Variants in SLFN5 observed in about 807,000 individuals in gnomAD.
SLFN5 encodes schlafen family member 5.
In SLFN5, 34 loss-of-function variants were observed where a neutral mutation model predicts 48.5. That is an observed-to-expected ratio of 0.70 (90% confidence interval 0.53 to 0.93). The LOEUF (loss-of-function observed/expected upper bound fraction) is 0.93. Ranked by LOEUF, SLFN5 falls within the 40% of genes least tolerant of loss-of-function variation. The pLI, the probability that SLFN5 is intolerant of heterozygous loss-of-function variation, is 0.00. For missense variants in SLFN5, 1,006 were observed against 1,071.3 expected (o/e 0.94, Z 0.85); for synonymous variants, 387 against 396.2 (o/e 0.98, Z 0.28).
chr17:35,249,906 G>A (rs184748288), intron 1 of SLFN5, among the ~76,000 whole-genome samples: 24 of 152,330 alleles, frequency 1.6e-4, no homozygotes, highest in Non-Finnish European at 2.9e-4. Flanking sequence ...AATTGGAGAA[G>A]CAAAATAATA....
chr17:35,262,457 T>C (rs1204101387), intron 3 of SLFN5, among the ~76,000 whole-genome samples: 1 of 151,980 alleles, frequency 6.6e-6, no homozygotes, highest in African/African-American at 2.4e-5. Flanking sequence ...AGATGGATAT[T>C]GCCAGATTGT....
At position 35,270,112 on chromosome 17, in the gene SLFN5, A is replaced by G. The variant is rs945387723; in HGVS notation, c.*4224A>G. 2 of 152,046 alleles carry G rather than the reference A, an allele frequency of 1.3e-5. No homozygotes were observed. The highest frequency in any genetic ancestry group is 2.9e-5 in the Non-Finnish European group (2 of 68,018). The allele number at this position is 152,046 out of a possible 1,614,324, so 9.4% of individuals were successfully genotyped here. A position where few individuals can be genotyped will look rare whatever the true frequency, so the allele number is the denominator to read the frequency against. ...AAATAATTTTAAAATATTATGTATC[A>G]TATCCTTCGATTTAACATAATTCTA... On this transcript the variant is annotated 3_prime_UTR_variant, in exon 5 of 5. Coordinates refer to ENST00000299977, the MANE Select transcript of SLFN5 (RefSeq NM_144975.4).
chr17:35,259,547 AG>A lies in SLFN5; in HGVS notation c.862del (p.Ala288ProfsTer28). ...CTTAACTTCCTTGAAGTGCATGATA[AG>A]GGGGCCCTCCGTGGATATGTCTGTG... ...YVLNFLEVHD[K>X]GALRGYVCAI... is the part of the protein sequence containing the mutation. On this transcript the variant is annotated frameshift_variant, in exon 2 of 5. Transcript: ENST00000299977. LOFTEE classifies it high-confidence loss of function. The A allele has an allele frequency of 1.2e-6, 2 of 1,614,106 alleles. No homozygotes were observed. The highest frequency in any genetic ancestry group is 1.1e-5 in the South Asian group (1 of 91,084).
chr17:35,256,544 C>T (rs1904348558), intron 1 of SLFN5, among the ~76,000 whole-genome samples: 1 of 151,910 alleles, frequency 6.6e-6, no homozygotes, highest in Non-Finnish European at 1.5e-5. Context: ...AAAACACTAC[C>T]AGTTTGGTTC....
Position 35,261,104 on chromosome 17 carries a change from G to GC in SLFN5, c.1138+10dup, listed in dbSNP as rs770864606. 2 of 1,611,866 alleles carry GC rather than the reference G, an allele frequency of 1.2e-6. No individual in the cohort carries two copies. Among genetic ancestry groups the GC allele is most frequent in the Admixed American group, 3.3e-5 (2 of 59,942 alleles). On this transcript the variant is annotated intron_variant, in intron 3 of 4. Coordinates refer to ENST00000299977, the MANE Select transcript of SLFN5 (RefSeq NM_144975.4). ...AGAAACGCTACTTTCCAGGTAATTG[G>GC]CCATCTCTGGTTGCTTTGGAATATG...
rs2142705490 is a variant in SLFN5 at position 35,265,096 on chromosome 17, G to A, written c.1884G>A (p.Gln628=). The A allele has an allele frequency of 6.2e-7, 1 of 1,611,582 alleles. No individual in the cohort carries two copies. The highest frequency in any genetic ancestry group is 2.2e-5 in the East Asian group (1 of 44,864). The change falls in exon 5 of 5, where the codon CAG becomes CAA. Residue 628 remains glutamine (Q), a synonymous_variant. Transcript: ENST00000299977. ...GTTTCAGCAAGAAAAACATCTGCCA[G>A]CCAGTGACCCGGAAAACCTTCATGA... The part of the protein sequence containing the change: ...LVSFSKKNIC[Q]PVTRKTFMKN...
At chr17:35,255,832 TTC>T (rs1454987229) in intron 1 of SLFN5, among the ~76,000 whole-genome samples, 1 of 152,204 alleles carries the variant, frequency 6.6e-6, no homozygotes, top group East Asian at 1.9e-4. Context: ...TCTCCCCTAT[TTC>T]TCTGTCTCCC....
rs1310745057 is a variant in SLFN5 at position 35,264,100 on chromosome 17, GTTGA to G, written c.1139-80_1139-77del. On this transcript the variant is annotated intron_variant, in intron 3 of 4. Coordinates refer to ENST00000299977, the MANE Select transcript of SLFN5 (RefSeq NM_144975.4). ...TGTAGATACATAGTAGAGTCCCAGT[GTTGA>G]TTAATTCTTCTACGTATAATGATGA... The G allele has an allele frequency of 8.9e-6, 13 of 1,466,842 alleles. No individual in the cohort carries two copies. In the African/African-American group the frequency reaches 1.7e-4, roughly 19 times the overall value. The allele number at this position is 1,466,842 out of a possible 1,614,324, so 90.9% of individuals were successfully genotyped here. A position where few individuals can be genotyped will look rare whatever the true frequency, so the allele number is the denominator to read the frequency against.
At chr17:35,261,134 T>C (rs1419824596) in intron 3 of SLFN5, 38 bp downstream of exon 3, 4 of 1,599,382 alleles carry the variant, frequency 2.5e-6, no homozygotes, top group African/African-American at 1.3e-5. Context: ...AATATGTTGA[T>C]TGTTCATTCA....
chr17:35,266,571 C>T lies in SLFN5; in HGVS notation c.*683C>T, dbSNP rs1267602265. The T allele has an allele frequency of 6.6e-6, 1 of 152,136 alleles. No individual in the cohort carries two copies. The highest frequency in any genetic ancestry group is 2.4e-5 in the African/African-American group (1 of 41,404). The allele number at this position is 152,136 out of a possible 1,614,324, so 9.4% of individuals were successfully genotyped here. A position where few individuals can be genotyped will look rare whatever the true frequency, so the allele number is the denominator to read the frequency against. ...TGTGAGCCTTTTGGTTATGTGGAAT[C>T]TGTTCCTTAGCTCTGATTTTTTATT... On this transcript the variant is annotated 3_prime_UTR_variant, in exon 5 of 5. Coordinates refer to ENST00000299977, the MANE Select transcript of SLFN5 (RefSeq NM_144975.4).
Position 35,264,163 on chromosome 17 carries a change from C to T in SLFN5, c.1139-20C>T. On this transcript the variant is annotated intron_variant, in intron 3 of 4. Coordinates refer to ENST00000299977, the MANE Select transcript of SLFN5 (RefSeq NM_144975.4). ...TTGTCTGAGGCTTTTCTAATTTCTT[C>T]CCATCCTTTCCCTGTCTAGTATTTT... 6.5e-7 allele frequency: 1 copy of T among 1,546,654 alleles called. No individual in the cohort carries two copies. The highest frequency in any genetic ancestry group is 8.7e-7 in the Non-Finnish European group (1 of 1,154,322).
In SLFN5 at chr17:35,260,972, C is replaced by A; in HGVS notation, c.1014C>A (p.Asp338Glu). 1.2e-6 allele frequency: 2 copies of A among 1,613,510 alleles called. No individual in the cohort carries two copies. The highest frequency in any genetic ancestry group is 1.7e-6 in the Non-Finnish European group (2 of 1,179,674). Reference sequence around the variant, plus strand: ...AATCCTTGGTTCTTGTTTCCTAAGACCTTTCCAGGTGTCCTGAGATGGTTC... The same window carrying A: ...AATCCTTGGTTCTTGTTTCCTAAGAACTTTCCAGGTGTCCTGAGATGGTTC... Reference protein sequence around the residue: ...WTAWMMEADPDLSRCPEMVLQ... With the variant: ...WTAWMMEADPELSRCPEMVLQ... The change falls in exon 3 of 5, where the codon GAC (aspartate) becomes GAA (glutamate). Residue 338 changes from aspartate (D) to glutamate (E), a missense_variant and splice_region_variant. Asp to Glu is a conservative substitution (Grantham distance 45, BLOSUM62 2). Coordinates refer to ENST00000299977, the MANE Select transcript of SLFN5 (RefSeq NM_144975.4).
In SLFN5 at chr17:35,259,033, T is replaced by A. The variant is rs754609051; in HGVS notation, c.343T>A (p.Ser115Thr). ...TGGTGTGCCACTTGCTACCTTATGC[T>A]CCAATTTGTACCACAGAGAGAGAAC... is the stretch of plus-strand genomic sequence containing the variant. ...EAGVPLATLC[S>T]NLYHRERTST... The change falls in exon 2 of 5, where the codon TCC (serine) becomes ACC (threonine). Residue 115 changes from serine (S) to threonine (T), a missense_variant. By Grantham distance (58) the Ser-to-Thr change is moderately conservative. Transcript: ENST00000299977. 1.9e-6 allele frequency: 3 copies of A among 1,614,146 alleles called. No individual in the cohort carries two copies. The East Asian group carries it at 6.7e-5, about 36-fold the overall frequency.
rs1238611209 is a variant in SLFN5, at chr17:35,258,703, A to T, written c.13A>T (p.Ile5Phe). ...AAGTGCTGAGAAGATGAGTCTTAGG[A>T]TTGATGTGGATACAAACTTTCCTGA... is the stretch of plus-strand genomic sequence containing the variant. Reference protein sequence around the residue: MSLRIDVDTNFPECV... With the variant: MSLRFDVDTNFPECV... The change falls in exon 2 of 5, where the codon ATT becomes TTT. Residue 5 changes from isoleucine to phenylalanine, a missense_variant. Transcript: ENST00000299977. 1.2e-6 allele frequency: 2 copies of T among 1,613,484 alleles called. No homozygotes were observed. Among genetic ancestry groups the T allele is most frequent in the South Asian group, 2.2e-5 (2 of 91,022 alleles).
chr17:35,252,013 T>A (rs1567788854), intron 1 of SLFN5, among the ~76,000 whole-genome samples: 3 of 152,174 alleles, frequency 2.0e-5, no homozygotes, highest in African/African-American at 7.2e-5. Context: ...GCTCTCAAAA[T>A]GGCCACTTGC....
intron 3 of SLFN5, among the ~76,000 whole-genome samples, chr17:35,262,039 A>G (rs1904535958): frequency 6.6e-6 from 1 of 152,034 alleles, no homozygotes; most frequent in South Asian, 2.1e-4. Flanking sequence ...AAACAATGCT[A>G]TAATATACAT....
At position 35,265,561 on chromosome 17, in the gene SLFN5, T is replaced by A; in HGVS notation, c.2349T>A (p.Asn783Lys). 1 of 1,614,222 alleles carries A rather than the reference T, an allele frequency of 6.2e-7. No individual in the cohort carries two copies. Among genetic ancestry groups the A allele is most frequent in the Admixed American group, 1.7e-5 (1 of 60,024 alleles). Residue 783 changes from asparagine (N) to lysine (K), a missense_variant, in exon 5 of 5, where the codon AAT becomes AAA. Asn to Lys is a moderately conservative substitution (Grantham distance 94). Transcript: ENST00000299977. The part of the protein sequence containing the change: ...VANKCRFLLR[N>K]GYSPKDIAVL... Reference sequence around the variant, plus strand: ...ATAAATGCCGTTTTCTCTTGCGGAATGGTTATTCTCCGAAGGATATTGCTG... The same window carrying A: ...ATAAATGCCGTTTTCTCTTGCGGAAAGGTTATTCTCCGAAGGATATTGCTG...
rs1245399306 is a variant in SLFN5 at position 35,258,667 on chromosome 17, A to G, written c.-24A>G. Reference sequence around the variant, plus strand: ...GTTTTTCAGGAGAACATTTCAGGATAGGAATAGGCCAAGTGCTGAGAAGAT... The same window carrying G: ...GTTTTTCAGGAGAACATTTCAGGATGGGAATAGGCCAAGTGCTGAGAAGAT... On this transcript the variant is annotated 5_prime_UTR_variant, in exon 2 of 5. In the 5' UTR this introduces an upstream ATG that the reference lacks. Transcript: ENST00000299977. The G allele has an allele frequency of 6.3e-7, 1 of 1,594,654 alleles. No individual in the cohort carries two copies. The highest frequency in any genetic ancestry group is 2.2e-5 in the East Asian group (1 of 44,588).
rs769491192 is a variant in SLFN5 at position 35,261,036 on chromosome 17, C to T, written c.1078C>T (p.Pro360Ser). ...SLSSATPRSK[P>S]VCIHKNSECL... ...GTCATCTGCCACGCCCCGCAGCAAG[C>T]CTGTGTGCATTCATAAGAATTCGGA... Residue 360 changes from proline (P) to serine (S), a missense_variant, in exon 3 of 5, where the codon CCT becomes TCT. By Grantham distance (74) the Pro-to-Ser change is moderately conservative. Coordinates refer to ENST00000299977, the MANE Select transcript of SLFN5 (RefSeq NM_144975.4). 1.9e-6 allele frequency: 3 copies of T among 1,614,008 alleles called. No individual in the cohort carries two copies. Among genetic ancestry groups the T allele is most frequent in the African/African-American group, 1.3e-5 (1 of 75,014 alleles).
Sources: allele counts gnomAD v4.1 joint callset (sites outside exome capture counted in the v4.1 genomes callset), GRCh38; gene constraint gnomAD v4.1.1; transcripts MANE v1.5; gene names NCBI Gene and HGNC (gene_info 2026-07-23, HGNC 2026-07-21).